Variants in PHF6 observed in about 807,000 individuals in gnomAD.
The protein encoded by PHF6 is PHD finger protein 6.
A neutral mutation model predicts 34.0 loss-of-function variants in PHF6; 7 were observed. The ratio of observed to expected loss-of-function variants is 0.21; its 90% CI spans 0.12 to 0.39. The LOEUF is 0.39. PHF6 is among the 10% of genes least tolerant of loss of function. The pLI is 1.00. For missense variants in PHF6, 128 were observed against 262.8 expected, an observed-to-expected ratio of 0.49 and a Z score of 3.55; for synonymous variants, 89 against 88.4, an observed-to-expected ratio of 1.01 and a Z score of -0.04.
intron 3 of PHF6, among the ~76,000 whole-genome samples, chrX:134,381,443 A>G (rs886265876): frequency 1.1e-4 from 12 of 110,717 alleles, no homozygotes; most frequent in African/African-American, 3.9e-4. Context: ...GAAGAGCTTA[A>G]TGTAACTAGA....
chrX:134,398,725 G>A (rs1277377687), intron 5 of PHF6, among the ~76,000 whole-genome samples: 1 of 111,860 alleles, frequency 8.9e-6, no homozygotes, highest in Admixed American at 9.5e-5. Flanking sequence ...CCAAATGGGT[G>A]ACGGAGGGTG....
intron 1 of PHF6, among the ~76,000 whole-genome samples, chrX:134,376,694 A>G (rs1326804691): frequency 8.9e-6 from 1 of 112,190 alleles, no homozygotes; most frequent in African/African-American, 3.2e-5. Context: ...ACTTTAATTG[A>G]TAAGCAGGCT....
At chrX:134,396,207 T>G (rs1312700939) in intron 5 of PHF6, among the ~76,000 whole-genome samples, 1 of 111,624 alleles carries the variant, frequency 9.0e-6, no homozygotes, top group African/African-American at 3.3e-5. Context: ...CAAGTTAAGC[T>G]GAGGATTGAG....
intron 9 of PHF6, among the ~76,000 whole-genome samples, chrX:134,423,211 T>A (rs1212414013): frequency 1.8e-5 from 2 of 112,168 alleles, no homozygotes; most frequent in Non-Finnish European, 3.8e-5. Flanking sequence ...ATAAAAAAAA[T>A]CTCATTTTAG....
chrX:134,405,973 T>A (rs1345590915), intron 5 of PHF6, among the ~76,000 whole-genome samples: 1 of 109,978 alleles, frequency 9.1e-6, no homozygotes, highest in African/African-American at 3.3e-5. Flanking sequence ...GCAGGGCGAA[T>A]GTCCTCCAGT....
chrX:134,394,970 G>A (rs1016545642), intron 5 of PHF6, among the ~76,000 whole-genome samples: 7 of 107,786 alleles, frequency 6.5e-5, no homozygotes, highest in South Asian at 4.1e-4. Flanking sequence ...CTCCTGCCTC[G>A]GCCTCCTGAG....
At chrX:134,379,457 T>G (rs1281895048) in intron 3 of PHF6, among the ~76,000 whole-genome samples, 8 of 87,538 alleles carry the variant, frequency 9.1e-5, no homozygotes, top group Non-Finnish European at 1.5e-4. Flanking sequence ...TTTTTTTTTT[T>G]TTGAGACAGA....
chrX:134,394,536 T>A (rs1386697271), intron 5 of PHF6, among the ~76,000 whole-genome samples: 3 of 110,218 alleles, frequency 2.7e-5, no homozygotes, highest in African/African-American at 9.9e-5. Context: ...GTGTTTCATT[T>A]CTTTGTGTTT....
chrX:134,392,001 T>G (rs2077356792), intron 3 of PHF6, among the ~76,000 whole-genome samples: 1 of 112,017 alleles, frequency 8.9e-6, no homozygotes, highest in Non-Finnish European at 1.9e-5. Context: ...GGGGTATTTC[T>G]TGTATCAATA....
chrX:134,417,518 A>G (rs2077476388), intron 9 of PHF6: 6 of 372,104 alleles, frequency 1.6e-5, no homozygotes, highest in South Asian at 1.1e-4. Flanking sequence ...TAGGCTTCCT[A>G]TGTGCCAGCC....
chrX:134,414,644 G>GA (rs397895247), intron 7 of PHF6, among the ~76,000 whole-genome samples: 13 of 103,375 alleles, frequency 1.3e-4, no homozygotes, highest in African/African-American at 3.5e-4. Context: ...TGTCTAGTTT[G>GA]AAAAAAAAAA....
At chrX:134,394,664 C>G (rs1483694492) in intron 5 of PHF6, among the ~76,000 whole-genome samples, 3 of 106,997 alleles carry the variant, frequency 2.8e-5, no homozygotes, top group Non-Finnish European at 3.9e-5. Flanking sequence ...CTCAGCCTCC[C>G]GAGTAGCTGG....
At chrX:134,391,114 A>G (rs762795131) in intron 3 of PHF6, among the ~76,000 whole-genome samples, 33 of 108,660 alleles carry the variant, frequency 3.0e-4, no homozygotes, top group Non-Finnish European at 4.4e-4. Context: ...AGCTGGGATT[A>G]CAGGCATGTG....
At position 134,394,021 on chromosome X, in the gene PHF6, TTATAC is replaced by T. The variant is rs2077365928; in HGVS notation, c.418+74_418+78del. 18 of 931,369 alleles carry T rather than the reference TTATAC, an allele frequency of 1.9e-5. No homozygotes were observed. In the East Asian group the frequency reaches 2.2e-4, roughly 11 times the overall value. 76.8% of individuals were successfully genotyped at this position (931,369 alleles called of 1,213,427 possible). On this transcript the variant is annotated intron_variant, in intron 5 of 10. Coordinates refer to ENST00000370803, the MANE Select transcript of PHF6 (RefSeq NM_001015877.2). ...AGAAATTTGAGTACAGATTAGTGAA[TTATAC>T]TATATTAATTTTAACCATAAGACAT... is the stretch of plus-strand genomic sequence containing the variant.
intron 3 of PHF6, among the ~76,000 whole-genome samples, chrX:134,392,060 T>C (rs181058304): frequency 8.9e-6 from 1 of 112,017 alleles, no homozygotes. Context: ...AGTGAGACTG[T>C]TTCTGTTTCT....
At chrX:134,391,984 G>A (rs919891149) in intron 3 of PHF6, among the ~76,000 whole-genome samples, 9 of 111,649 alleles carry the variant, frequency 8.1e-5, no homozygotes, top group African/African-American at 2.9e-4. Context: ...TTTATTTAAG[G>A]AAGAAAGGGG....
intron 9 of PHF6, among the ~76,000 whole-genome samples, chrX:134,424,129 A>G (rs1279913198): frequency 4.5e-5 from 5 of 111,377 alleles, no homozygotes; most frequent in African/African-American, 1.3e-4. Context: ...AAAGAAAAAA[A>G]AAACTGAGCT....
chrX:134,399,666 CACAG>C (rs1248737241), intron 5 of PHF6, among the ~76,000 whole-genome samples: 3 of 108,295 alleles, frequency 2.8e-5, no homozygotes, highest in Admixed American at 9.9e-5. Flanking sequence ...CACACACACA[CACAG>C]ACACACACAC....
At chrX:134,395,477 C>T (rs1278494339) in intron 5 of PHF6, among the ~76,000 whole-genome samples, 2 of 112,121 alleles carry the variant, frequency 1.8e-5, no homozygotes, top group East Asian at 5.6e-4. Flanking sequence ...TTGTTTCAAA[C>T]CTTTTCAAAC....
Sources: gnomAD v4.1 joint callset for allele counts (sites outside exome capture counted in the v4.1 genomes callset) on GRCh38, gnomAD v4.1.1 for gene constraint, MANE v1.5 for transcripts, NCBI Gene and HGNC (gene_info 2026-07-23, HGNC 2026-07-21) for gene names.